Variants in BNIP2 observed in about 807,000 individuals in gnomAD.
BNIP2 encodes BCL2/adenovirus E1B 19 kDa protein-interacting protein 2.
Under a neutral mutation model 43.4 loss-of-function variants are expected in BNIP2, and 36 were observed. The ratio of observed to expected loss-of-function variants is 0.83; its 90% CI spans 0.64 to 1.10. The LOEUF (loss-of-function observed/expected upper bound fraction) is 1.10, where lower values mean the gene tolerates loss of function less well. BNIP2 is among the 50% of genes least tolerant of loss of function. The probability of loss-of-function intolerance (pLI) is 0.00; values close to 1 mark genes in which losing one functional copy is unlikely to be tolerated. For missense variants in BNIP2, 417 were observed against 374.1 expected (o/e 1.11, Z -0.95); for synonymous variants, 146 against 121.0 (o/e 1.21, Z -1.35).
chr15:59,683,225 G>C (rs1326078308), intron 1 of BNIP2, among the ~76,000 whole-genome samples: 1 of 114 alleles, frequency 8.8e-3, no homozygotes, highest in Non-Finnish European at 0.014. Context: ...AATCACGTGA[G>C]TCCAATATCC....
intron 5 of BNIP2, among the ~76,000 whole-genome samples, chr15:59,674,722 C>T (rs1287562674): frequency 6.6e-6 from 1 of 152,178 alleles, no homozygotes; most frequent in Non-Finnish European, 1.5e-5. Context: ...GGTAGTATGA[C>T]ATGCTCTACA....
intron 1 of BNIP2, chr15:59,688,524 A>G (rs1566988806): frequency 5.2e-6 from 3 of 573,056 alleles, no homozygotes; most frequent in Non-Finnish European, 9.1e-6. Context: ...GACACAGACA[A>G]GTAACTCTCC....
chr15:59,664,167 TTTTC>T (rs755230076), intron 9 of BNIP2, 47 bp from the exon 10 acceptor site: 12 of 1,272,012 alleles, frequency 9.4e-6, no homozygotes, highest in Middle Eastern at 2.3e-4. Context: ...AACTGAACAA[TTTTC>T]TTTCTAAAAA....
At chr15:59,679,794 A>T (rs1893541757) in intron 3 of BNIP2, 26 bp from the exon 4 acceptor site, 8 of 1,457,082 alleles carry the variant, frequency 5.5e-6, no homozygotes, top group Non-Finnish European at 5.4e-6. Flanking sequence ...AAAGAAAAAG[A>T]TACGTAACAA....
intron 5 of BNIP2, among the ~76,000 whole-genome samples, chr15:59,677,587 T>C (rs1239147242): frequency 2.0e-5 from 3 of 152,216 alleles, no homozygotes; most frequent in East Asian, 3.8e-4. Context: ...TCAAAAGTAA[T>C]GTCAGCAAAG....
rs527504376 is a variant in BNIP2 at position 59,677,346 on chromosome 15, T to C, written c.472+565A>G. ...AGCCCCAGCGTTCAGAAGGCCAGCA[T>C]CGTCTTCCATGGGAGATGACTCTTA... On this transcript the variant is annotated intron_variant, in intron 5 of 9. Transcript: ENST00000607373. 8.0e-4 allele frequency: 1,239 copies of C among 1,552,870 alleles called. 11 individuals are homozygous for C. The African/African-American group carries it at 0.014, about 18-fold the overall frequency.
At chr15:59,677,066 T>C in intron 5 of BNIP2, 2 of 1,611,038 alleles carry the variant, frequency 1.2e-6, no homozygotes. Context: ...CTTCATCTTA[T>C]GCTTCAGGCT....
At chr15:59,670,276 C>A (rs1409251696) in intron 7 of BNIP2, among the ~76,000 whole-genome samples, 1 of 152,038 alleles carries the variant, frequency 6.6e-6, no homozygotes, top group Non-Finnish European at 1.5e-5. Context: ...ACAAAAAATA[C>A]AAAAATTAGC....
At chr15:59,677,171 C>G in intron 5 of BNIP2, 1 of 1,593,774 alleles carries the variant, frequency 6.3e-7, no homozygotes, top group South Asian at 1.1e-5. Flanking sequence ...ACCTCTGCAT[C>G]TTATTGAAGG....
At chr15:59,678,374 C>G (rs1442185802) in intron 4 of BNIP2, 13 of 1,125,900 alleles carry the variant, frequency 1.2e-5, no homozygotes, top group Non-Finnish European at 1.4e-5. Context: ...GTAGAGTCAT[C>G]AAAATCTTAG....
chr15:59,665,614 AAAC>A (rs1165486608), intron 9 of BNIP2, among the ~76,000 whole-genome samples: 1 of 152,156 alleles, frequency 6.6e-6, no homozygotes, highest in East Asian at 1.9e-4. Context: ...TGTCTCAAAA[AAAC>A]AAAACAAAAA....
rs1344831237 is a variant in BNIP2, at chr15:59,668,908, G to C, written c.877C>G (p.Pro293Ala). 4 of 1,613,236 alleles carry C rather than the reference G, an allele frequency of 2.5e-6. No homozygotes were observed. The highest frequency in any genetic ancestry group is 2.2e-5 in the East Asian group (1 of 44,838). The change falls in exon 9 of 10, where the codon CCA becomes GCA. Residue 293 changes from proline (P) to alanine (A), a missense_variant. Transcript: ENST00000607373. ...ELVPMEYVGI[P>A]ECIKQVDQEL... is the part of the protein sequence containing the mutation. ...AAAACATACTGTTTTATGCATTCTG[G>C]TATGCCAACGTATTCCATGGGGACA...
At chr15:59,676,361 T>A in intron 5 of BNIP2, among the ~76,000 whole-genome samples, 1 of 151,990 alleles carries the variant, frequency 6.6e-6, no homozygotes, top group East Asian at 1.9e-4. Context: ...TTTTTTATTT[T>A]TTTTATTTTT....
chr15:59,666,583 C>T (rs904321344), intron 9 of BNIP2, among the ~76,000 whole-genome samples: 4 of 152,138 alleles, frequency 2.6e-5, no homozygotes, highest in Admixed American at 6.5e-5. Context: ...AGCAGAATCG[C>T]TTGAACCCGG....
chr15:59,678,747 C>T, intron 4 of BNIP2: 6 of 1,289,308 alleles, frequency 4.7e-6, no homozygotes, highest in South Asian at 1.3e-5. Flanking sequence ...ATAGTCCTTA[C>T]CAAAAGATGG....
chr15:59,665,155 T>G (rs1892494129), intron 9 of BNIP2, among the ~76,000 whole-genome samples: 1 of 151,746 alleles, frequency 6.6e-6, no homozygotes, highest in African/African-American at 2.4e-5. Context: ...TCCCAGCTAC[T>G]TGGGAGGCTG....
At chr15:59,689,102 C>A in intron 1 of BNIP2, 33 bp downstream of exon 1, 1 of 1,524,896 alleles carries the variant, frequency 6.6e-7, no homozygotes, top group Non-Finnish European at 8.8e-7. Context: ...AGCTCCGGAG[C>A]CACCGTGCCG....
At position 59,678,540 on chromosome 15, in the gene BNIP2, TA is replaced by T. The variant is rs2142009283; in HGVS notation, c.296-454del. The T allele has an allele frequency of 2.8e-6, 3 of 1,076,080 alleles. No homozygotes were observed. The South Asian group carries it at 7.6e-5, about 27-fold the overall frequency. 66.7% of individuals were successfully genotyped at this position (1,076,080 alleles called of 1,614,324 possible). ...TAATACCAGATAGGAAGTGGTTAAC[TA>T]CTCAATGATCACTTCTCATTTGATC... On this transcript the variant is annotated intron_variant, in intron 4 of 9. Coordinates refer to ENST00000607373, the MANE Select transcript of BNIP2 (RefSeq NM_004330.4).
chr15:59,684,743 C>A (rs188527873), intron 1 of BNIP2, among the ~76,000 whole-genome samples: 1 of 152,166 alleles, frequency 6.6e-6, no homozygotes, highest in Non-Finnish European at 1.5e-5. Context: ...TCTTGTCGTA[C>A]CTTTTTATTG....
Sources: gnomAD v4.1 joint callset for allele counts (sites outside exome capture counted in the v4.1 genomes callset) on GRCh38, gnomAD v4.1.1 for gene constraint, MANE v1.5 for transcripts, NCBI Gene and HGNC (gene_info 2026-07-23, HGNC 2026-07-21) for gene names.